LACTB2: variants seen among roughly 807,000 people sequenced by gnomAD.
LACTB2 encodes the protein endoribonuclease LACTB2.
A neutral mutation model predicts 34.8 loss-of-function variants in LACTB2; 32 were observed. That is an observed-to-expected ratio of 0.92 (90% CI 0.69 to 1.24). The LOEUF (loss-of-function observed/expected upper bound fraction) is 1.24. LACTB2 is among the 50% of genes most tolerant of loss of function. The pLI is 0.00. For synonymous variants in LACTB2, 120 were observed against 117.5 expected (o/e 1.02, Z -0.14); for missense variants, 320 against 345.0 (o/e 0.93, Z 0.57).
intron 1 of LACTB2, among the ~76,000 whole-genome samples, chr8:70,668,127 A>T (rs1818560771): frequency 6.6e-6 from 1 of 152,242 alleles, no homozygotes; most frequent in Non-Finnish European, 1.5e-5. Context: ...AACGCCAAAC[A>T]GTAGACACTT....
intron 1 of LACTB2, 35 bp from the exon 2 acceptor site, chr8:70,661,932 A>G (rs1277506727): frequency 1.9e-5 from 30 of 1,548,156 alleles, no homozygotes; most frequent in Non-Finnish European, 2.5e-5. Flanking sequence ...ACACAATTGG[A>G]ACACTGCGTT....
At chr8:70,638,407 T>C in intron 6 of LACTB2, 141 bp downstream of exon 6, 1 of 886,388 alleles carries the variant, frequency 1.1e-6, no homozygotes. Flanking sequence ...GCTACTGACC[T>C]TCCTAGCGCC....
At chr8:70,661,931 G>A (rs1406399350) in intron 1 of LACTB2, 34 bp from the exon 2 acceptor site, 1 of 1,549,936 alleles carries the variant, frequency 6.5e-7, no homozygotes, top group East Asian at 2.3e-5. Flanking sequence ...CACACAATTG[G>A]AACACTGCGT....
At chr8:70,661,164 C>T (rs1285817618) in intron 2 of LACTB2, 1 of 391,504 alleles carries the variant, frequency 2.6e-6, no homozygotes, top group East Asian at 7.2e-5. Context: ...CTGCTATACC[C>T]CTTGTGCCAA....
At chr8:70,653,719 G>T (rs13255886) in intron 3 of LACTB2, 61,509 of 151,948 alleles carry the variant, frequency 0.4, 13,946 homozygotes, top group Non-Finnish European at 0.52. Context: ...ACCCTACAGT[G>T]AGGGGTGACT....
In LACTB2 at chr8:70,642,183, T is replaced by C. The variant is rs549336904; in HGVS notation, c.593-1133A>G. 3.9e-5 allele frequency among the ~76,000 whole-genome samples: 6 copies of C among 152,348 alleles called. No homozygotes were observed. The East Asian group carries it at 9.6e-4, about 24-fold the overall frequency. ...CTCATTAGCTTAGCTTGAATGTGAA[T>C]TCACTCAACGTCTGCCCTCTTCGCT... is the stretch of plus-strand genomic sequence containing the variant. On this transcript the variant is annotated intron_variant, in intron 4 of 6. Coordinates refer to ENST00000276590, the MANE Select transcript of LACTB2 (RefSeq NM_016027.3).
At chr8:70,647,703 T>C (rs1051059788) in intron 3 of LACTB2, among the ~76,000 whole-genome samples, 6 of 152,054 alleles carry the variant, frequency 3.9e-5, no homozygotes, top group Non-Finnish European at 8.8e-5. Context: ...TGAGAACCAA[T>C]CAGATTTGCA....
intron 4 of LACTB2, among the ~76,000 whole-genome samples, chr8:70,643,308 C>T (rs1238743463): frequency 1.3e-5 from 2 of 148,438 alleles, no homozygotes; most frequent in African/African-American, 5.0e-5. Context: ...CTACAACCTC[C>T]ACCTCTCAGG....
chr8:70,648,805 A>G (rs1818300209), intron 3 of LACTB2, among the ~76,000 whole-genome samples: 1 of 152,170 alleles, frequency 6.6e-6, no homozygotes, highest in East Asian at 1.9e-4. Flanking sequence ...GACTCAGAAC[A>G]CACTACTGCC....
chr8:70,656,532 T>C (rs1179688058), intron 3 of LACTB2, among the ~76,000 whole-genome samples: 2 of 152,190 alleles, frequency 1.3e-5, no homozygotes, highest in African/African-American at 2.4e-5. Flanking sequence ...TTCTGTTCCA[T>C]TGGTGTATGT....
intron 5 of LACTB2, 91 bp from the exon 6 acceptor site, chr8:70,638,720 G>A: frequency 9.7e-7 from 1 of 1,034,682 alleles, no homozygotes; most frequent in Non-Finnish European, 1.3e-6. Flanking sequence ...AAAGCAAAAT[G>A]TAGCAAAAGT....
chr8:70,666,496 AG>A (rs1818534178), intron 1 of LACTB2, among the ~76,000 whole-genome samples: 1 of 152,346 alleles, frequency 6.6e-6, no homozygotes, highest in African/African-American at 2.4e-5. Context: ...CTGAGACACT[AG>A]AAGGCCAGCA....
intron 3 of LACTB2, among the ~76,000 whole-genome samples, chr8:70,650,331 A>G (rs915553281): frequency 3.3e-5 from 5 of 152,248 alleles, no homozygotes; most frequent in African/African-American, 4.8e-5. Flanking sequence ...GTGAAGCTCT[A>G]GTAAAAAGAT....
chr8:70,652,248 T>C (rs1343340902), intron 3 of LACTB2, among the ~76,000 whole-genome samples: 1 of 152,186 alleles, frequency 6.6e-6, no homozygotes, highest in Non-Finnish European at 1.5e-5. Flanking sequence ...AACTCTTAAG[T>C]GCTGTTATTT....
At chr8:70,648,424 G>A (rs1194463576) in intron 3 of LACTB2, among the ~76,000 whole-genome samples, 3 of 152,054 alleles carry the variant, frequency 2.0e-5, no homozygotes, top group Non-Finnish European at 4.4e-5. Context: ...ACAAGATTAG[G>A]TTAGTATAAA....
At chr8:70,668,812 T>C (rs374272) in intron 1 of LACTB2, among the ~76,000 whole-genome samples, 187 bp downstream of exon 1, 1 of 137,844 alleles carries the variant, frequency 7.3e-6, no homozygotes, top group African/African-American at 2.8e-5. Context: ...TCACCTGGGG[T>C]GGTCGTATTT....
At chr8:70,668,960 C>A in intron 1 of LACTB2, 39 bp downstream of exon 1, 2 of 1,555,658 alleles carry the variant, frequency 1.3e-6, no homozygotes, top group Non-Finnish European at 1.7e-6. Context: ...GCTCCGGGGC[C>A]GGCTGCGAAC....
intron 3 of LACTB2, among the ~76,000 whole-genome samples, chr8:70,655,463 C>A (rs1349289777): frequency 6.6e-6 from 1 of 152,102 alleles, no homozygotes; most frequent in Admixed American, 6.5e-5. Flanking sequence ...CTCAGGTGAT[C>A]CACCTGCCTT....
At chr8:70,648,738 A>G (rs1352091981) in intron 3 of LACTB2, among the ~76,000 whole-genome samples, 2 of 152,158 alleles carry the variant, frequency 1.3e-5, no homozygotes, top group African/African-American at 4.8e-5. Context: ...ATGGATTGAC[A>G]AAGACTCGCT....
Sources: allele counts gnomAD v4.1 joint callset (sites outside exome capture counted in the v4.1 genomes callset), GRCh38; gene constraint gnomAD v4.1.1; transcripts MANE v1.5; gene names NCBI Gene and HGNC (gene_info 2026-07-23, HGNC 2026-07-21).